LPAR1: variants seen among roughly 807,000 people sequenced by gnomAD.
LPAR1 encodes the protein LPA receptor 1.
LPAR1 carries 5 observed loss-of-function variants against 23.8 expected under a neutral mutation model. That is an observed-to-expected ratio of 0.21 (90% CI 0.11 to 0.44). LPAR1 has a LOEUF of 0.44. LPAR1 is among the 20% of genes least tolerant of loss of function. The probability of loss-of-function intolerance (pLI) is 0.99; values close to 1 mark genes in which losing one functional copy is unlikely to be tolerated. For synonymous variants in LPAR1, 160 were observed against 164.7 expected (o/e 0.97, Z 0.22); for missense variants, 311 against 482.8 (o/e 0.64, Z 3.33).
intron 4 of LPAR1, among the ~76,000 whole-genome samples, chr9:110,970,728 C>T (rs890141543): frequency 1.3e-5 from 2 of 152,112 alleles, no homozygotes; most frequent in African/African-American, 4.8e-5. Context: ...AAAATACATA[C>T]AAAATTGAAT....
intron 4 of LPAR1, among the ~76,000 whole-genome samples, chr9:110,968,558 C>G (rs1310277261): frequency 1.3e-5 from 2 of 152,118 alleles, no homozygotes; most frequent in African/African-American, 2.4e-5. Context: ...TTCAAGAAGC[C>G]TTCCCTGATC....
chr9:110,919,616 G>A lies in LPAR1; in HGVS notation c.793+21805C>T, dbSNP rs147609101. On this transcript the variant is annotated intron_variant, in intron 5 of 5. Coordinates refer to ENST00000683809, the MANE Select transcript of LPAR1 (RefSeq NM_001351411.2). Reference sequence around the variant, plus strand: ...TCCACTAAACAGAAAAAAATGTAACGGAAACTTCAGACTCCTCTCTTAACT... The same window carrying A: ...TCCACTAAACAGAAAAAAATGTAACAGAAACTTCAGACTCCTCTCTTAACT... 6.4e-3 allele frequency among the ~76,000 whole-genome samples: 970 copies of A among 152,204 alleles called. 4 individuals carry two copies. Among genetic ancestry groups the A allele is most frequent in the Middle Eastern group, 0.014 (4 of 294 alleles).
chr9:110,889,420 G>T (rs558059397), intron 5 of LPAR1, among the ~76,000 whole-genome samples: 18 of 152,126 alleles, frequency 1.2e-4, no homozygotes, highest in African/African-American at 4.3e-4. Flanking sequence ...AGAAAAGTCA[G>T]GTAAGAATAG....
At chr9:110,921,781 C>T (rs1300626298) in intron 5 of LPAR1, among the ~76,000 whole-genome samples, 1 of 152,192 alleles carries the variant, frequency 6.6e-6, no homozygotes, top group Non-Finnish European at 1.5e-5. Context: ...CAAGCCCACC[C>T]ACATTGCAGG....
At chr9:110,908,854 C>A (rs1313027217) in intron 5 of LPAR1, among the ~76,000 whole-genome samples, 1 of 152,212 alleles carries the variant, frequency 6.6e-6, no homozygotes. Flanking sequence ...AACTACCAAT[C>A]AGATGCCAGG....
intron 2 of LPAR1, among the ~76,000 whole-genome samples, chr9:111,003,241 T>C (rs1366375651): frequency 6.6e-6 from 1 of 152,132 alleles, no homozygotes; most frequent in Non-Finnish European, 1.5e-5. Context: ...TTATATAAAG[T>C]ATTTAAACCA....
chr9:111,026,328 C>T (rs549964814), intron 2 of LPAR1, among the ~76,000 whole-genome samples: 36 of 152,132 alleles, frequency 2.4e-4, no homozygotes, highest in African/African-American at 7.5e-4. Context: ...GCTCTCTGTT[C>T]GTCTATTAAT....
chr9:111,026,848 G>A (rs549259774), intron 2 of LPAR1, among the ~76,000 whole-genome samples: 44 of 152,258 alleles, frequency 2.9e-4, no homozygotes, highest in African/African-American at 7.2e-4. Flanking sequence ...TGTATACACC[G>A]AACCTGCTTT....
At chr9:110,956,545 A>C (rs1028312486) in intron 4 of LPAR1, among the ~76,000 whole-genome samples, 3 of 152,004 alleles carry the variant, frequency 2.0e-5, no homozygotes, top group African/African-American at 7.2e-5. Flanking sequence ...AACAAAATTG[A>C]ACTACTAACT....
At chr9:110,932,120 G>A (rs946446654) in intron 5 of LPAR1, among the ~76,000 whole-genome samples, 2 of 152,042 alleles carry the variant, frequency 1.3e-5, no homozygotes, top group Non-Finnish European at 2.9e-5. Flanking sequence ...CTATCAAATC[G>A]CATTGAATTT....
intron 5 of LPAR1, among the ~76,000 whole-genome samples, chr9:110,917,842 T>C (rs961233651): frequency 6.6e-6 from 1 of 152,190 alleles, no homozygotes; most frequent in Admixed American, 6.5e-5. Flanking sequence ...CTTTCCCTCC[T>C]TTTTCTTGCT....
intron 5 of LPAR1, among the ~76,000 whole-genome samples, chr9:110,914,789 A>C (rs72748146): frequency 7.6e-6 from 1 of 132,008 alleles, no homozygotes; most frequent in Non-Finnish European, 1.5e-5. Context: ...CAAGGGGGGA[A>C]AAAAAGCTTA....
intron 2 of LPAR1, among the ~76,000 whole-genome samples, chr9:110,999,126 T>TG (rs1204810432): frequency 1.3e-5 from 2 of 152,272 alleles, no homozygotes; most frequent in Admixed American, 1.3e-4. Flanking sequence ...GGTCATAAAG[T>TG]GACTTCTGAA....
At chr9:110,957,297 G>A (rs527306135) in intron 4 of LPAR1, among the ~76,000 whole-genome samples, 1 of 150,174 alleles carries the variant, frequency 6.7e-6, no homozygotes, top group East Asian at 2.0e-4. Flanking sequence ...CTATGATTAT[G>A]CCATTGCACT....
At chr9:110,965,082 G>T (rs1166682463) in intron 4 of LPAR1, among the ~76,000 whole-genome samples, 4 of 151,858 alleles carry the variant, frequency 2.6e-5, no homozygotes, top group African/African-American at 9.7e-5. Flanking sequence ...TATTGGCCAG[G>T]CTGGTCTCAA....
intron 2 of LPAR1, among the ~76,000 whole-genome samples, chr9:110,994,953 G>A (rs968157448): frequency 6.6e-5 from 10 of 152,134 alleles, no homozygotes; most frequent in Non-Finnish European, 1.3e-4. Context: ...AGGCAGCATC[G>A]TACCACCAAG....
intron 2 of LPAR1, among the ~76,000 whole-genome samples, chr9:111,033,356 T>C (rs1340332927): frequency 6.6e-6 from 1 of 152,106 alleles, no homozygotes; most frequent in African/African-American, 2.4e-5. Context: ...CCACCCCTCC[T>C]CCTCTCCTAC....
intron 2 of LPAR1, among the ~76,000 whole-genome samples, chr9:110,989,078 T>C (rs2096846562): frequency 3.9e-5 from 6 of 152,206 alleles, no homozygotes. Context: ...CCAAGATAGG[T>C]AAATCTATGA....
intron 4 of LPAR1, among the ~76,000 whole-genome samples, chr9:110,947,593 C>G (rs1047914807): frequency 6.6e-6 from 1 of 152,190 alleles, no homozygotes; most frequent in African/African-American, 2.4e-5. Context: ...CTTCACCATG[C>G]AATTCATTCA....
Sources: gnomAD v4.1 joint callset for allele counts (sites outside exome capture counted in the v4.1 genomes callset) on GRCh38, gnomAD v4.1.1 for gene constraint, MANE v1.5 for transcripts, NCBI Gene and HGNC (gene_info 2026-07-23, HGNC 2026-07-21) for gene names.